The following NCK1 variants were observed in gnomAD, a reference collection of about 807,000 sequenced individuals.
The protein encoded by NCK1 is SH2/SH3 adapter protein NCK1.
A neutral mutation model predicts 36.6 loss-of-function variants in NCK1; 19 were observed. That is an observed-to-expected ratio of 0.52 (90% CI 0.36 to 0.76). The LOEUF (loss-of-function observed/expected upper bound fraction) is 0.76, where lower values mean the gene tolerates loss of function less well. Among genes scored for constraint, NCK1 ranks in the 30% least tolerant of loss-of-function variants. The probability of loss-of-function intolerance (pLI) is 0.00; values close to 1 mark genes in which losing one functional copy is unlikely to be tolerated. For missense variants in NCK1, 358 were observed against 445.6 expected (o/e 0.80, Z 1.77); for synonymous variants, 165 against 156.0 (o/e 1.06, Z -0.43).
At chr3:136,880,419 C>A (rs978498593) in intron 1 of NCK1, among the ~76,000 whole-genome samples, 3 of 152,014 alleles carry the variant, frequency 2.0e-5, no homozygotes, top group African/African-American at 4.8e-5. Flanking sequence ...GATTTTGACA[C>A]AGAGACAGAA....
intron 1 of NCK1, among the ~76,000 whole-genome samples, chr3:136,918,455 T>G (rs1224533949): frequency 6.6e-6 from 1 of 152,204 alleles, no homozygotes; most frequent in Non-Finnish European, 1.5e-5. Flanking sequence ...ACTTAACGTA[T>G]ACAGGAGGTT....
intron 1 of NCK1, among the ~76,000 whole-genome samples, chr3:136,903,401 A>T (rs1279993032): frequency 5.3e-5 from 8 of 152,150 alleles, no homozygotes; most frequent in Admixed American, 1.3e-4. Flanking sequence ...AAAACATTTT[A>T]AAAAATCTAT....
chr3:136,942,697 T>C (rs1940708799), intron 2 of NCK1, among the ~76,000 whole-genome samples: 1 of 152,204 alleles, frequency 6.6e-6, no homozygotes, highest in Admixed American at 6.5e-5. Context: ...TGCACGTCCT[T>C]CTTGATTGGT....
chr3:136,914,371 T>C (rs1435509659), intron 1 of NCK1, among the ~76,000 whole-genome samples: 2 of 152,190 alleles, frequency 1.3e-5, no homozygotes, highest in African/African-American at 4.8e-5. Context: ...CCCTGGAACT[T>C]GCAAGCCTTA....
intron 2 of NCK1, among the ~76,000 whole-genome samples, chr3:136,932,506 G>A (rs1940419891): frequency 6.6e-6 from 1 of 152,192 alleles, no homozygotes; most frequent in Non-Finnish European, 1.5e-5. Context: ...TCATGTAGAT[G>A]AAGTGAACAG....
At chr3:136,917,165 A>T (rs545052750) in intron 1 of NCK1, among the ~76,000 whole-genome samples, 2 of 151,834 alleles carry the variant, frequency 1.3e-5, no homozygotes, top group South Asian at 4.2e-4. Flanking sequence ...TATGGGCTGC[A>T]TGCAGCCCAG....
At chr3:136,900,679 A>G (rs927726882) in intron 1 of NCK1, among the ~76,000 whole-genome samples, 16 of 152,086 alleles carry the variant, frequency 1.1e-4, no homozygotes, top group African/African-American at 3.9e-4. Context: ...TTTTATTGGT[A>G]TATAGAAACA....
In NCK1 at chr3:136,943,540, G is replaced by T. The variant is rs868402473; in HGVS notation, c.227-2043G>T. Among the ~76,000 whole-genome samples, 10 of 152,156 alleles carry T rather than the reference G, an allele frequency of 6.6e-5. 1 individual carries two copies. Among genetic ancestry groups the T allele is most frequent in the Middle Eastern group, 3.2e-3 (1 of 316 alleles). ...GAAAATGAAAGTGTATGATTTCCTT[G>T]GAATAGAGAGGAAGGTCAAGTATGT... is the stretch of plus-strand genomic sequence containing the variant. On this transcript the variant is annotated intron_variant, in intron 2 of 3. Coordinates refer to ENST00000481752, the MANE Select transcript of NCK1 (RefSeq NM_001291999.2).
intron 2 of NCK1, among the ~76,000 whole-genome samples, chr3:136,933,549 A>T (rs1379064350): frequency 6.6e-6 from 1 of 152,124 alleles, no homozygotes; most frequent in African/African-American, 2.4e-5. Context: ...TGAGGGAAAG[A>T]TCAGAAATTA....
rs541486793 is a variant in NCK1, at chr3:136,862,330, G to C, written c.-42G>C. On this transcript the variant is annotated 5_prime_UTR_variant, in exon 1 of 4. Coordinates refer to ENST00000481752, the MANE Select transcript of NCK1 (RefSeq NM_001291999.2). Reference sequence around the variant, plus strand: ...TGGAGCCCTCCTCAGGTGAGCTGGAGCTGCCCGGCTCGGCAGCGGGAAGGT... The same window carrying C: ...TGGAGCCCTCCTCAGGTGAGCTGGACCTGCCCGGCTCGGCAGCGGGAAGGT... 6.5e-6 allele frequency: 1 copy of C among 152,946 alleles called. No individual in the cohort carries two copies. Among genetic ancestry groups the C allele is most frequent in the East Asian group, 1.9e-4 (1 of 5,186 alleles). 9.5% of individuals were successfully genotyped at this position (152,946 alleles called of 1,614,324 possible). A position where few individuals can be genotyped will look rare whatever the true frequency, so the allele number is the denominator to read the frequency against.
Position 136,903,009 on chromosome 3 carries a change from T to G in NCK1, c.-18-24975T>G, listed in dbSNP as rs553668719. On this transcript the variant is annotated intron_variant, in intron 1 of 3. Transcript: ENST00000481752. The stretch of plus-strand genomic sequence containing the variant: ...AATCCAGTGTGGCTTTCTTAATTTT[T>G]GTATCTACATGATCCATTTAATGCT... Among the ~76,000 whole-genome samples the G allele has an allele frequency of 3.3e-5, 5 of 150,354 alleles. 1 individual carries two copies. Among genetic ancestry groups the G allele is most frequent in the African/African-American group, 1.2e-4 (5 of 40,932 alleles).
chr3:136,928,861 TAAAAAAA>T (rs755770014), intron 2 of NCK1: 49 of 119,680 alleles, frequency 4.1e-4, no homozygotes, highest in South Asian at 1.1e-3. Context: ...GCCTCTTCTT[TAAAAAAA>T]AAAAAAAAAA....
intron 1 of NCK1, chr3:136,900,019 CAG>C: frequency 1.6e-6 from 1 of 636,058 alleles, no homozygotes; most frequent in Non-Finnish European, 2.9e-6. Flanking sequence ...TCATCACTGT[CAG>C]AGTCGCCAAA....
intron 1 of NCK1, among the ~76,000 whole-genome samples, chr3:136,902,474 C>T (rs768050372): frequency 3.9e-5 from 6 of 152,176 alleles, no homozygotes; most frequent in African/African-American, 1.2e-4. Flanking sequence ...AGATTACAGG[C>T]GCGAGCTATC....
chr3:136,908,636 G>A (rs767721465), intron 1 of NCK1, among the ~76,000 whole-genome samples: 7 of 152,184 alleles, frequency 4.6e-5, no homozygotes, highest in Non-Finnish European at 8.8e-5. Context: ...AACTGCGACT[G>A]ATTACTGCCA....
At chr3:136,871,071 A>G (rs951341128) in intron 1 of NCK1, among the ~76,000 whole-genome samples, 1 of 151,946 alleles carries the variant, frequency 6.6e-6, no homozygotes, top group Non-Finnish European at 1.5e-5. Context: ...CCTGTTGTGG[A>G]TCCAACTAAA....
chr3:136,926,232 AT>A (rs1260039177), intron 1 of NCK1, among the ~76,000 whole-genome samples: 1 of 148,410 alleles, frequency 6.7e-6, no homozygotes, highest in African/African-American at 2.5e-5. Context: ...TCATTAATTT[AT>A]TTTTAGCTCT....
intron 1 of NCK1, chr3:136,899,696 A>G (rs1939488359): frequency 2.6e-6 from 2 of 772,852 alleles, no homozygotes; most frequent in Non-Finnish European, 2.4e-6. Context: ...CTACACTGCA[A>G]TTAGAGATAC....
At chr3:136,869,267 C>T (rs915669185) in intron 1 of NCK1, among the ~76,000 whole-genome samples, 1 of 151,828 alleles carries the variant, frequency 6.6e-6, no homozygotes, top group African/African-American at 2.4e-5. Context: ...ATTTGTTCCG[C>T]TAGGCCTGAT....
Sources: gnomAD v4.1 joint callset for allele counts (sites outside exome capture counted in the v4.1 genomes callset) on GRCh38, gnomAD v4.1.1 for gene constraint, MANE v1.5 for transcripts, NCBI Gene and HGNC (gene_info 2026-07-23, HGNC 2026-07-21) for gene names.